GFPT1: variants seen among roughly 807,000 people sequenced by gnomAD.
GFPT1 encodes the protein glutamine--fructose-6-phosphate aminotransferase [isomerizing] 1.
In GFPT1, 40 loss-of-function variants were observed where a neutral mutation model predicts 92.0. The observed-to-expected ratio is 0.43, with a 90% CI of 0.34 to 0.57. The LOEUF (loss-of-function observed/expected upper bound fraction) is 0.57. Ranked by LOEUF, GFPT1 falls within the 20% of genes least tolerant of loss-of-function variation. The probability of loss-of-function intolerance (pLI) is 0.02; values close to 1 mark genes in which losing one functional copy is unlikely to be tolerated. For missense variants in GFPT1, 448 were observed against 869.1 expected, an observed-to-expected ratio of 0.52 and a Z score of 6.09; for synonymous variants, 269 against 280.6, an observed-to-expected ratio of 0.96 and a Z score of 0.41.
intron 1 of GFPT1, among the ~76,000 whole-genome samples, chr2:69,379,206 T>A (rs1031078535): frequency 2.0e-5 from 3 of 152,182 alleles, no homozygotes; most frequent in African/African-American, 7.2e-5. Context: ...GTTATTCCCA[T>A]ACACACACTC....
intron 15 of GFPT1, among the ~76,000 whole-genome samples, chr2:69,331,199 G>GGT (rs1445250457): frequency 6.6e-6 from 1 of 152,152 alleles, no homozygotes; most frequent in Non-Finnish European, 1.5e-5. Flanking sequence ...GCGGGACAAT[G>GGT]AACCTTCACT....
At chr2:69,353,325 C>G (rs1671257762) in intron 9 of GFPT1, among the ~76,000 whole-genome samples, 1 of 152,082 alleles carries the variant, frequency 6.6e-6, no homozygotes, top group Admixed American at 6.5e-5. Context: ...TCCCTTAAGC[C>G]CAAGAGTTTG....
In GFPT1 at chr2:69,319,838, A is replaced by C. The variant is rs1251667933; in HGVS notation, c.*6351T>G. ...AAATTAAGAAAGAGTTCAAATTCAA[A>C]GTAAATATGCTTGATATTTCAAAAC... On this transcript the variant is annotated 3_prime_UTR_variant, in exon 20 of 20. Coordinates refer to ENST00000357308, the MANE Select transcript of GFPT1 (RefSeq NM_001244710.2). 6.6e-6 allele frequency: 1 copy of C among 152,254 alleles called. No individual in the cohort carries two copies. The highest frequency in any genetic ancestry group is 1.5e-5 in the Non-Finnish European group (1 of 68,042). 9.4% of individuals were successfully genotyped at this position (152,254 alleles called of 1,614,324 possible). A position where few individuals can be genotyped will look rare whatever the true frequency, so the allele number is the denominator to read the frequency against.
chr2:69,377,552 C>T (rs1470354701), intron 1 of GFPT1, among the ~76,000 whole-genome samples: 1 of 151,130 alleles, frequency 6.6e-6, no homozygotes, highest in African/African-American at 2.4e-5. Context: ...CTCAGCTACT[C>T]GGGAGGCTGA....
At chr2:69,369,800 G>T (rs1271966604) in intron 3 of GFPT1, among the ~76,000 whole-genome samples, 1 of 152,158 alleles carries the variant, frequency 6.6e-6, no homozygotes, top group Non-Finnish European at 1.5e-5. Flanking sequence ...TAGTTGCAAT[G>T]ATTATTTTTC....
intron 1 of GFPT1, among the ~76,000 whole-genome samples, chr2:69,375,582 A>G (rs948211112): frequency 2.0e-5 from 3 of 152,196 alleles, no homozygotes; most frequent in Admixed American, 2.0e-4. Flanking sequence ...CTCTCCCCAA[A>G]GAAGCAGTTC....
At chr2:69,338,082 C>T in intron 14 of GFPT1, 27 bp from the exon 15 acceptor site, 1 of 1,609,808 alleles carries the variant, frequency 6.2e-7, no homozygotes, top group Non-Finnish European at 8.5e-7. Context: ...CCAACCATAA[C>T]ACACAGAACA....
intron 1 of GFPT1, among the ~76,000 whole-genome samples, chr2:69,382,991 T>C (rs1672046167): frequency 6.6e-6 from 1 of 152,228 alleles, no homozygotes; most frequent in Non-Finnish European, 1.5e-5. Flanking sequence ...AAGGCAACTC[T>C]CTTATTTTAG....
chr2:69,358,445 AGT>A lies in GFPT1; in HGVS notation c.425_426del (p.Asp142ValfsTer4). 6.2e-7 allele frequency: 1 copy of A among 1,608,168 alleles called. No homozygotes were observed. The highest frequency in any genetic ancestry group is 8.5e-7 in the Non-Finnish European group (1 of 1,174,836). On this transcript the variant is annotated frameshift_variant, in exon 6 of 20. Transcript: ENST00000357308. LOFTEE classifies it high-confidence loss of function. ...GTCTCTGTGTCTGTTTCAGATTCGA[AGT>A]CATAGCCTTTGCTTTCCTGTAAGTA... is the stretch of plus-strand genomic sequence containing the variant. ...LKKFLESKGYDFESETDTETI... is the reference protein window; with the variant it reads ...LKKFLESKGYXFESETDTETI...
rs1324936824 is a variant in GFPT1, at chr2:69,323,204, C to G, written c.*2985G>C. The G allele has an allele frequency of 6.6e-6, 1 of 152,128 alleles. No individual in the cohort carries two copies. The highest frequency in any genetic ancestry group is 1.5e-5 in the Non-Finnish European group (1 of 68,004). 9.4% of individuals were successfully genotyped at this position (152,128 alleles called of 1,614,324 possible). On this transcript the variant is annotated 3_prime_UTR_variant, in exon 20 of 20. Transcript: ENST00000357308. ...GGCCACACGCTAGATGACAGACATG[C>G]CTCCCTGCCTAAAAAGGGCTCAAAG...
chr2:69,342,879 T>C (rs1228990972), intron 12 of GFPT1, among the ~76,000 whole-genome samples: 1 of 152,174 alleles, frequency 6.6e-6, no homozygotes, highest in East Asian at 1.9e-4. Context: ...CTCCTCTCAG[T>C]CTTTGCCGTC....
At chr2:69,384,488 T>C (rs894984727) in intron 1 of GFPT1, among the ~76,000 whole-genome samples, 5 of 152,032 alleles carry the variant, frequency 3.3e-5, no homozygotes, top group African/African-American at 1.2e-4. Flanking sequence ...GAGGCTGTGG[T>C]AGGTGGATTA....
At chr2:69,372,298 A>AGTG (rs1210788219) in intron 2 of GFPT1, among the ~76,000 whole-genome samples, 101 of 148,734 alleles carry the variant, frequency 6.8e-4, no homozygotes, top group African/African-American at 2.3e-3. Context: ...GGCTGGGTGC[A>AGTG]GTGGCTCACG....
chr2:69,380,916 T>C (rs1671993673), intron 1 of GFPT1, among the ~76,000 whole-genome samples: 1 of 152,204 alleles, frequency 6.6e-6, no homozygotes, highest in Non-Finnish European at 1.5e-5. Context: ...CATACTACTC[T>C]CAAATCCTCA....
intron 19 of GFPT1, 69 bp downstream of exon 19, chr2:69,326,845 G>T: frequency 5.5e-6 from 8 of 1,441,780 alleles, no homozygotes; most frequent in Non-Finnish European, 6.8e-6. Context: ...TAAAAATTTA[G>T]GAGAAAAAAA....
intron 1 of GFPT1, among the ~76,000 whole-genome samples, chr2:69,379,526 A>G (rs1671956259): frequency 6.6e-6 from 1 of 151,950 alleles, no homozygotes; most frequent in South Asian, 2.1e-4. Context: ...AAAATTAAGT[A>G]TTATTTGAGA....
rs542613375 is a variant in GFPT1, at chr2:69,324,727, A to C, written c.*1462T>G. The stretch of plus-strand genomic sequence containing the variant: ...ACAGCTTACTTAAATAATTGTGCTA[A>C]ATAGCTTATCTTCACAATTTAAAAG... On this transcript the variant is annotated 3_prime_UTR_variant, in exon 20 of 20. Coordinates refer to ENST00000357308, the MANE Select transcript of GFPT1 (RefSeq NM_001244710.2). 6.6e-6 allele frequency: 1 copy of C among 152,334 alleles called. No individual in the cohort carries two copies. The highest frequency in any genetic ancestry group is 2.1e-4 in the South Asian group (1 of 4,832). 9.4% of individuals were successfully genotyped at this position (152,334 alleles called of 1,614,324 possible). A position where few individuals can be genotyped will look rare whatever the true frequency, so the allele number is the denominator to read the frequency against.
rs968533060 is a variant in GFPT1, at chr2:69,356,567, G to T, written c.544-10C>A. On this transcript the variant is annotated splice_polypyrimidine_tract_variant and intron_variant, in intron 6 of 19. Coordinates refer to ENST00000357308, the MANE Select transcript of GFPT1 (RefSeq NM_001244710.2). ...GTGCAAAAGCACCTTCCTAGGGAGG[G>T]AAAAAAATCCATTAGCACTATTTAA... is the stretch of plus-strand genomic sequence containing the variant. 6.2e-7 allele frequency: 1 copy of T among 1,604,470 alleles called. No homozygotes were observed. Among genetic ancestry groups the T allele is most frequent in the Non-Finnish European group, 8.5e-7 (1 of 1,171,378 alleles).
At chr2:69,361,611 T>C (rs1036095273) in intron 4 of GFPT1, among the ~76,000 whole-genome samples, 1 of 152,170 alleles carries the variant, frequency 6.6e-6, no homozygotes, top group Non-Finnish European at 1.5e-5. Flanking sequence ...AAATTATTGC[T>C]AGCATTATGA....
Sources: allele counts gnomAD v4.1 joint callset (sites outside exome capture counted in the v4.1 genomes callset), GRCh38; gene constraint gnomAD v4.1.1; transcripts MANE v1.5; gene names NCBI Gene and HGNC (gene_info 2026-07-23, HGNC 2026-07-21).